The following CADM2 variants were observed in gnomAD, a reference collection of about 807,000 sequenced individuals.
CADM2 encodes cell adhesion molecule 2.
Under a neutral mutation model 49.8 loss-of-function variants are expected in CADM2, and 12 were observed. The observed-to-expected ratio is 0.24, with a 90% CI of 0.15 to 0.39. CADM2 has a LOEUF of 0.39. Ranked by LOEUF, CADM2 falls within the 10% of genes least tolerant of loss-of-function variation. The pLI is 1.00. For missense variants in CADM2, 378 were observed against 492.3 expected (o/e 0.77, Z 2.20); for synonymous variants, 214 against 175.4 (o/e 1.22, Z -1.74).
At chr3:85,917,539 G>C (rs1356067171) in intron 6 of CADM2, among the ~76,000 whole-genome samples, 1 of 152,010 alleles carries the variant, frequency 6.6e-6, no homozygotes, top group African/African-American at 2.4e-5. Flanking sequence ...CTCTGTTTTG[G>C]TACCAGTACC....
At chr3:84,964,804 A>G (rs1285778574) in intron 1 of CADM2, among the ~76,000 whole-genome samples, 1 of 152,202 alleles carries the variant, frequency 6.6e-6, no homozygotes, top group East Asian at 1.9e-4. Flanking sequence ...GTTGGATTGA[A>G]TAATATATAT....
At chr3:84,998,909 C>A (rs1487810409) in intron 1 of CADM2, among the ~76,000 whole-genome samples, 2 of 152,016 alleles carry the variant, frequency 1.3e-5, no homozygotes, top group Non-Finnish European at 2.9e-5. Context: ...TCAGATACTC[C>A]CATACCTATT....
intron 1 of CADM2, among the ~76,000 whole-genome samples, chr3:85,490,145 T>A (rs1416448264): frequency 6.6e-6 from 1 of 152,136 alleles, no homozygotes; most frequent in East Asian, 1.9e-4. Flanking sequence ...TTGTATTTTC[T>A]TATTTAATTC....
At position 85,883,454 on chromosome 3, in the gene CADM2, G is replaced by A; in HGVS notation, c.391+11G>A. On this transcript the variant is annotated intron_variant, in intron 4 of 9. Transcript: ENST00000383699. ...ATCTCACCGTTCTGGGTAAGTGCAA[G>A]GGACTAACACCATGTAATCACAAAA... 1 of 1,610,450 alleles carries A rather than the reference G, an allele frequency of 6.2e-7. No individual in the cohort carries two copies. Among genetic ancestry groups the A allele is most frequent in the Non-Finnish European group, 8.5e-7 (1 of 1,177,506 alleles).
intron 1 of CADM2, among the ~76,000 whole-genome samples, chr3:85,296,275 G>C (rs2043961825): frequency 6.6e-6 from 1 of 151,974 alleles, no homozygotes; most frequent in African/African-American, 2.4e-5. Flanking sequence ...CAGTAGTAAT[G>C]TTCTGAATAG....
intron 1 of CADM2, among the ~76,000 whole-genome samples, chr3:85,408,010 CAA>C (rs372349246): frequency 1.9e-3 from 107 of 56,182 alleles, no homozygotes; most frequent in Middle Eastern, 0.015. Flanking sequence ...AAAACAAAAC[CAA>C]AAAAAAAAAA....
chr3:85,280,750 C>G (rs1377298368), intron 1 of CADM2, among the ~76,000 whole-genome samples: 1 of 151,428 alleles, frequency 6.6e-6, no homozygotes, highest in Non-Finnish European at 1.5e-5. Flanking sequence ...ACAGCAGATG[C>G]TATAGGAGAA....
intron 1 of CADM2, among the ~76,000 whole-genome samples, chr3:85,693,581 A>G (rs1389811693): frequency 1.4e-5 from 2 of 147,838 alleles, no homozygotes; most frequent in African/African-American, 2.5e-5. Flanking sequence ...AAAAAAAAAA[A>G]AAAGAAAAGA....
At chr3:85,203,948 C>G (rs1350611121) in intron 1 of CADM2, among the ~76,000 whole-genome samples, 4 of 152,068 alleles carry the variant, frequency 2.6e-5, no homozygotes, top group Admixed American at 1.3e-4. Flanking sequence ...AAAGAATAAT[C>G]CTTATACAAT....
chr3:85,210,437 T>G (rs1035444582), intron 1 of CADM2, among the ~76,000 whole-genome samples: 7 of 152,176 alleles, frequency 4.6e-5, no homozygotes, highest in African/African-American at 1.4e-4. Context: ...TAGTTTTCAT[T>G]TTTTGATGTC....
At chr3:85,467,166 A>T (rs1401507116) in intron 1 of CADM2, among the ~76,000 whole-genome samples, 1 of 152,176 alleles carries the variant, frequency 6.6e-6, no homozygotes, top group East Asian at 1.9e-4. Flanking sequence ...TCAGTTAAAA[A>T]CAAAACTGAA....
At chr3:86,060,124 C>T (rs539897112) in intron 8 of CADM2, among the ~76,000 whole-genome samples, 4 of 151,862 alleles carry the variant, frequency 2.6e-5, no homozygotes, top group Non-Finnish European at 5.9e-5. Context: ...TTATGTTAAT[C>T]TATCTCTGAA....
intron 4 of CADM2, 113 bp from the exon 5 acceptor site, chr3:85,886,077 C>T (rs759479643): frequency 7.5e-6 from 11 of 1,471,016 alleles, no homozygotes; most frequent in Admixed American, 2.2e-5. Flanking sequence ...TCATCTTGAT[C>T]GAACTTCTTG....
intron 1 of CADM2, among the ~76,000 whole-genome samples, chr3:85,531,521 C>T (rs2061308446): frequency 1.3e-5 from 2 of 152,140 alleles, no homozygotes; most frequent in Non-Finnish European, 2.9e-5. Context: ...TGATTTTCCT[C>T]AAATGGATAT....
intron 8 of CADM2, among the ~76,000 whole-genome samples, chr3:86,048,200 A>G (rs1012404989): frequency 1.3e-5 from 2 of 151,742 alleles, no homozygotes; most frequent in Admixed American, 1.3e-4. Flanking sequence ...TTTTATTTTC[A>G]AAGTTAGAAA....
intron 1 of CADM2, among the ~76,000 whole-genome samples, chr3:85,112,830 T>C (rs1329732785): frequency 6.6e-6 from 1 of 151,684 alleles, no homozygotes; most frequent in African/African-American, 2.4e-5. Flanking sequence ...CTTCAACAAT[T>C]ATAAAGGAAA....
chr3:85,300,269 AG>A (rs1348861008), intron 1 of CADM2, among the ~76,000 whole-genome samples: 11 of 152,230 alleles, frequency 7.2e-5, no homozygotes, highest in Non-Finnish European at 1.6e-4. Flanking sequence ...CAGATGTGCA[AG>A]GATATGAGAA....
chr3:86,015,335 G>A (rs536860211), intron 8 of CADM2, among the ~76,000 whole-genome samples: 11 of 152,240 alleles, frequency 7.2e-5, no homozygotes, highest in African/African-American at 2.6e-4. Flanking sequence ...AAAGTGCCAT[G>A]TTTCCTTCTG....
At chr3:85,906,944 T>C (rs998637754) in intron 5 of CADM2, among the ~76,000 whole-genome samples, 1 of 152,198 alleles carries the variant, frequency 6.6e-6, no homozygotes, top group African/African-American at 2.4e-5. Flanking sequence ...ACTGAATGAA[T>C]TAGCCAGACA....
Sources: gnomAD v4.1 joint callset for allele counts (sites outside exome capture counted in the v4.1 genomes callset) on GRCh38, gnomAD v4.1.1 for gene constraint, MANE v1.5 for transcripts, NCBI Gene and HGNC (gene_info 2026-07-23, HGNC 2026-07-21) for gene names.